LRP1B: variants seen among roughly 807,000 people sequenced by gnomAD.
LRP1B encodes the protein low-density lipoprotein receptor-related protein 1B.
In LRP1B, 217 loss-of-function variants were observed where a neutral mutation model predicts 556.6. The observed-to-expected ratio is 0.39, with a 90% confidence interval of 0.35 to 0.44. LRP1B has a LOEUF of 0.44. Ranked by LOEUF, LRP1B falls within the 20% of genes least tolerant of loss-of-function variation. The probability of loss-of-function intolerance (pLI) is 1.00; values close to 1 mark genes in which losing one functional copy is unlikely to be tolerated. For synonymous variants in LRP1B, 2,047 were observed against 1,865.8 expected (o/e 1.10, Z -2.50); for missense variants, 5,053 against 5,620.8 (o/e 0.90, Z 3.23).
chr2:140,904,104 T>C (rs1013833532), intron 22 of LRP1B, among the ~76,000 whole-genome samples: 1 of 152,114 alleles, frequency 6.6e-6, no homozygotes, highest in Non-Finnish European at 1.5e-5. Flanking sequence ...TACCAGTGTA[T>C]ACCTAACATT....
intron 60 of LRP1B, among the ~76,000 whole-genome samples, chr2:140,460,954 T>A (rs1277257877): frequency 1.3e-5 from 2 of 151,468 alleles, no homozygotes; most frequent in African/African-American, 4.9e-5. Context: ...AATGTAATTA[T>A]GACAAATAGA....
At chr2:140,303,433 G>C (rs572236519) in intron 83 of LRP1B, among the ~76,000 whole-genome samples, 1 of 151,882 alleles carries the variant, frequency 6.6e-6, no homozygotes, top group East Asian at 2.0e-4. Flanking sequence ...ATTTTTAGTA[G>C]AGATGGGGTT....
At chr2:140,672,482 TAA>T (rs55884730) in intron 41 of LRP1B, among the ~76,000 whole-genome samples, 24 of 81,576 alleles carry the variant, frequency 2.9e-4, no homozygotes, top group Admixed American at 1.3e-3. Flanking sequence ...AGACTCCATC[TAA>T]AAAAAAAAAA....
chr2:141,850,606 T>A (rs929584170), intron 1 of LRP1B, among the ~76,000 whole-genome samples: 8 of 140,842 alleles, frequency 5.7e-5, no homozygotes, highest in African/African-American at 2.1e-4. Context: ...TATATAGTTC[T>A]GCCCTAGCAT....
intron 2 of LRP1B, among the ~76,000 whole-genome samples, chr2:141,568,281 A>G (rs1191238853): frequency 6.6e-6 from 1 of 151,146 alleles, no homozygotes; most frequent in Non-Finnish European, 1.5e-5. Context: ...TGAGATTTAT[A>G]TACAGTTTTC....
intron 66 of LRP1B, among the ~76,000 whole-genome samples, chr2:140,419,834 C>T (rs1685356839): frequency 5.3e-5 from 8 of 151,704 alleles, no homozygotes; most frequent in Admixed American, 5.3e-4. Flanking sequence ...ATGGTGAAAC[C>T]CTGTCTTTAA....
intron 1 of LRP1B, among the ~76,000 whole-genome samples, chr2:141,942,297 TA>T (rs1164271473): frequency 2.0e-5 from 3 of 152,172 alleles, no homozygotes; most frequent in Non-Finnish European, 4.4e-5. Context: ...AGTAAATAGT[TA>T]TATGGGTAAT....
At chr2:140,797,080 C>G (rs1690341631) in intron 32 of LRP1B, among the ~76,000 whole-genome samples, 1 of 151,934 alleles carries the variant, frequency 6.6e-6, no homozygotes, top group Non-Finnish European at 1.5e-5. Context: ...ATCCCTGAGA[C>G]AGGCAGCAGC....
At chr2:141,484,058 T>C (rs999241393) in intron 2 of LRP1B, among the ~76,000 whole-genome samples, 1 of 152,176 alleles carries the variant, frequency 6.6e-6, no homozygotes, top group Non-Finnish European at 1.5e-5. Context: ...TCCTGAACGG[T>C]ATTGCCTAGG....
intron 4 of LRP1B, among the ~76,000 whole-genome samples, chr2:141,248,596 T>C (rs1365106107): frequency 6.6e-6 from 1 of 152,072 alleles, no homozygotes; most frequent in African/African-American, 2.4e-5. Flanking sequence ...AGGAGTCAAA[T>C]GAAGCAAGGG....
At position 140,769,276 on chromosome 2, in the gene LRP1B, T is replaced by C. The variant is rs2104934667; in HGVS notation, c.5695A>G (p.Lys1899Glu). 2.5e-6 allele frequency: 4 copies of C among 1,612,370 alleles called. No individual in the cohort carries two copies. The highest frequency in any genetic ancestry group is 3.4e-6 in the Non-Finnish European group (4 of 1,178,742). The change falls in exon 35 of 91, where the codon AAA (lysine) becomes GAA (glutamate). Residue 1899 changes from lysine to glutamate, a missense_variant. Lys to Glu is a moderately conservative substitution (Grantham distance 56). Coordinates refer to ENST00000389484, the MANE Select transcript of LRP1B (RefSeq NM_018557.3). ...IRGIPLEPSD[K>E]MDALMPISGT... is the part of the protein sequence containing the mutation. ...GATATAGGCATCAAAGCATCCATTT[T>C]GTCACTTGGTTCAAGAGGTATTCCC...
chr2:140,630,680 C>T (rs1054763910), intron 41 of LRP1B, among the ~76,000 whole-genome samples: 9 of 152,132 alleles, frequency 5.9e-5, no homozygotes, highest in Admixed American at 4.6e-4. Flanking sequence ...AAAAAAAACC[C>T]TCATGTTTCT....
At chr2:142,084,115 G>A (rs1440305995) in intron 1 of LRP1B, among the ~76,000 whole-genome samples, 1 of 152,024 alleles carries the variant, frequency 6.6e-6, no homozygotes, top group Admixed American at 6.6e-5. Context: ...AAGTAACTGG[G>A]ACTACAGGTG....
intron 31 of LRP1B, among the ~76,000 whole-genome samples, chr2:140,828,014 A>G (rs541212139): frequency 3.9e-5 from 6 of 152,278 alleles, no homozygotes; most frequent in African/African-American, 1.4e-4. Flanking sequence ...TACTGTACCC[A>G]GAAAGCTTTC....
At chr2:140,292,315 T>A (rs1286901852) in intron 84 of LRP1B, among the ~76,000 whole-genome samples, 1 of 152,146 alleles carries the variant, frequency 6.6e-6, no homozygotes, top group Non-Finnish European at 1.5e-5. Context: ...CATAGCAACA[T>A]CTCTGGTATT....
At chr2:141,976,876 G>C (rs539335634) in intron 1 of LRP1B, among the ~76,000 whole-genome samples, 1 of 152,196 alleles carries the variant, frequency 6.6e-6, no homozygotes, top group East Asian at 1.9e-4. Context: ...GAAGATAAAA[G>C]AACTGTTATA....
rs766350249 is a variant in LRP1B at position 140,982,185 on chromosome 2, G to A, written c.2862C>T (p.Asp954=). ...CACAAGATGCCATTTCATCTGTCTG[G>A]TCACCACAGTCGTCTTCCCTGTCAC... The part of the protein sequence containing the change: ...WLCDREDDCG[D]QTDEMASCEF... The change falls in exon 18 of 91, where the codon GAC becomes GAT. Residue 954 remains aspartate (D), a synonymous_variant. Coordinates refer to ENST00000389484, the MANE Select transcript of LRP1B (RefSeq NM_018557.3). The A allele has an allele frequency of 1.2e-6, 2 of 1,612,990 alleles. No homozygotes were observed. The highest frequency in any genetic ancestry group is 2.2e-5 in the East Asian group (1 of 44,854).
intron 7 of LRP1B, among the ~76,000 whole-genome samples, chr2:141,173,669 G>A (rs937596416): frequency 6.6e-6 from 1 of 151,994 alleles, no homozygotes; most frequent in African/African-American, 2.4e-5. Flanking sequence ...GTGTGGGTAG[G>A]AATCTTATGA....
chr2:140,239,639 A>G, intron 87 of LRP1B, 107 bp from the exon 88 acceptor site: 2 of 611,966 alleles, frequency 3.3e-6, no homozygotes, highest in Non-Finnish European at 5.5e-6. Context: ...GATATAATAA[A>G]AGCTTAGCCC....
Sources: allele counts gnomAD v4.1 joint callset (sites outside exome capture counted in the v4.1 genomes callset), GRCh38; gene constraint gnomAD v4.1.1; transcripts MANE v1.5; gene names NCBI Gene and HGNC (gene_info 2026-07-23, HGNC 2026-07-21).